SEC24D: variants seen among roughly 807,000 people sequenced by gnomAD.
SEC24D encodes the protein protein transport protein Sec24D.
Under a neutral mutation model 116.9 loss-of-function variants are expected in SEC24D, and 69 were observed. The observed-to-expected ratio is 0.59, with a 90% CI of 0.49 to 0.72. The LOEUF is 0.72. Ranked by LOEUF, SEC24D falls within the 30% of genes least tolerant of loss-of-function variation. The pLI is 0.00. For missense variants in SEC24D, 1,131 were observed against 1,264.1 expected (o/e 0.89, Z 1.60); for synonymous variants, 405 against 442.8 (o/e 0.91, Z 1.07).
intron 22 of SEC24D, among the ~76,000 whole-genome samples, chr4:118,726,817 TA>T (rs1725439046): frequency 6.6e-6 from 1 of 152,188 alleles, no homozygotes; most frequent in African/African-American, 2.4e-5. Flanking sequence ...AATCTGACAA[TA>T]AGGTCTAAGA....
intron 19 of SEC24D, among the ~76,000 whole-genome samples, chr4:118,735,156 AG>A (rs1725892724): frequency 6.6e-6 from 1 of 152,248 alleles, no homozygotes; most frequent in Non-Finnish European, 1.5e-5. Flanking sequence ...GGGACTAAAA[AG>A]TCTAATCAGA....
At chr4:118,739,113 A>G (rs1247274379) in intron 18 of SEC24D, 36 bp downstream of exon 18, 1 of 1,609,324 alleles carries the variant, frequency 6.2e-7, no homozygotes, top group Non-Finnish European at 8.5e-7. Flanking sequence ...ATTACTAAGC[A>G]AGGTTTACTG....
At position 118,740,922 on chromosome 4, in the gene SEC24D, T is replaced by C. The variant is rs1167362118; in HGVS notation, c.2092+19A>G. ...AATTATTCAAGAGAGACCCGAAGAA[T>C]TGTATAAATGATAATTACCTGTGCT... is the stretch of plus-strand genomic sequence containing the variant. On this transcript the variant is annotated intron_variant, in intron 16 of 22. Transcript: ENST00000280551. 1.9e-6 allele frequency: 3 copies of C among 1,589,460 alleles called. No homozygotes were observed. Among genetic ancestry groups the C allele is most frequent in the Non-Finnish European group, 2.6e-6 (3 of 1,162,862 alleles).
intron 2 of SEC24D, among the ~76,000 whole-genome samples, chr4:118,827,635 C>T (rs1730641300): frequency 6.6e-6 from 1 of 152,206 alleles, no homozygotes; most frequent in Admixed American, 6.5e-5. Context: ...AGCAAAGCAG[C>T]ACACCTCTGG....
At chr4:118,803,538 G>A (rs1283406847) in intron 7 of SEC24D, among the ~76,000 whole-genome samples, 1 of 152,054 alleles carries the variant, frequency 6.6e-6, no homozygotes, top group Non-Finnish European at 1.5e-5. Context: ...AAGTTCCCAT[G>A]GCAACATGTG....
intron 11 of SEC24D, among the ~76,000 whole-genome samples, chr4:118,756,013 C>T (rs968503236): frequency 2.1e-4 from 32 of 152,096 alleles, no homozygotes; most frequent in Non-Finnish European, 2.4e-4. Context: ...CTTATATCAA[C>T]AGGCTATTAG....
chr4:118,832,312 A>T (rs116550416), intron 2 of SEC24D, among the ~76,000 whole-genome samples: 1 of 152,190 alleles, frequency 6.6e-6, no homozygotes. Flanking sequence ...TGGTAAACAG[A>T]GTCAAATACA....
chr4:118,823,643 T>G (rs1730487612), intron 3 of SEC24D, among the ~76,000 whole-genome samples: 1 of 152,174 alleles, frequency 6.6e-6, no homozygotes, highest in Middle Eastern at 3.2e-3. Flanking sequence ...TAAACAATAA[T>G]GGGATTTCTA....
intron 8 of SEC24D, among the ~76,000 whole-genome samples, chr4:118,791,583 T>C (rs888678564): frequency 6.6e-6 from 1 of 152,204 alleles, no homozygotes; most frequent in African/African-American, 2.4e-5. Flanking sequence ...GAGCCGAGAC[T>C]GGACTGTACT....
intron 6 of SEC24D, among the ~76,000 whole-genome samples, chr4:118,808,625 A>G (rs1156682909): frequency 6.6e-6 from 1 of 152,218 alleles, no homozygotes; most frequent in Non-Finnish European, 1.5e-5. Flanking sequence ...AAACAGGCTT[A>G]GAGATAAAGA....
At chr4:118,818,878 A>G (rs1280665766) in intron 3 of SEC24D, among the ~76,000 whole-genome samples, 1 of 152,238 alleles carries the variant, frequency 6.6e-6, no homozygotes, top group Non-Finnish European at 1.5e-5. Context: ...TAACCCAAAA[A>G]TACTGTTAAA....
At position 118,752,836 on chromosome 4, in the gene SEC24D, T is replaced by C. The variant is rs1240709905; in HGVS notation, c.1474A>G (p.Lys492Glu). ...AIRVGFITYN[K>E]VLHFFNVKSN... Reference sequence around the variant, plus strand: ...TTCACATTAAAGAAATGGAGAACTTTGTTATATGTGATAAAACCCACTCGA... The same window carrying C: ...TTCACATTAAAGAAATGGAGAACTTCGTTATATGTGATAAAACCCACTCGA... The change falls in exon 12 of 23, where the codon AAA becomes GAA. Residue 492 changes from lysine (K) to glutamate (E), a missense_variant. Lys to Glu is a moderately conservative substitution (Grantham distance 56). Coordinates refer to ENST00000280551, the MANE Select transcript of SEC24D (RefSeq NM_014822.4). The C allele has an allele frequency of 1.9e-6, 3 of 1,608,536 alleles. No individual in the cohort carries two copies. Among genetic ancestry groups the C allele is most frequent in the Non-Finnish European group, 2.5e-6 (3 of 1,178,234 alleles).
At chr4:118,753,756 C>T (rs1726948695) in intron 11 of SEC24D, among the ~76,000 whole-genome samples, 1 of 152,162 alleles carries the variant, frequency 6.6e-6, no homozygotes, top group Admixed American at 6.6e-5. Context: ...CACATAGATA[C>T]TATTGATGCT....
At chr4:118,782,317 G>A (rs930259796) in intron 8 of SEC24D, among the ~76,000 whole-genome samples, 11 of 152,188 alleles carry the variant, frequency 7.2e-5, no homozygotes, top group African/African-American at 2.4e-4. Context: ...CTTTCTGTTT[G>A]TTAGTCTTCC....
chr4:118,771,573 T>C (rs1466945836), intron 8 of SEC24D, among the ~76,000 whole-genome samples: 1 of 152,238 alleles, frequency 6.6e-6, no homozygotes, highest in Non-Finnish European at 1.5e-5. Flanking sequence ...CTCTTGTGTA[T>C]GTATATAAAC....
chr4:118,735,013 T>C (rs771374937), intron 19 of SEC24D, among the ~76,000 whole-genome samples: 2 of 152,220 alleles, frequency 1.3e-5, no homozygotes, highest in Non-Finnish European at 2.9e-5. Context: ...GTATAAAGCA[T>C]GTCCATTTGG....
chr4:118,737,399 A>G (rs574254749), intron 19 of SEC24D, among the ~76,000 whole-genome samples: 1 of 152,330 alleles, frequency 6.6e-6, no homozygotes, highest in African/African-American at 2.4e-5. Context: ...TCCATCTAGT[A>G]AGTGTGTTTG....
At chr4:118,828,480 T>C (rs1578482391) in intron 2 of SEC24D, among the ~76,000 whole-genome samples, 1 of 152,112 alleles carries the variant, frequency 6.6e-6, no homozygotes, top group African/African-American at 2.4e-5. Flanking sequence ...GCCCCTAAAA[T>C]AGGACATCTG....
At chr4:118,725,097 A>G (rs1725339163) in intron 22 of SEC24D, among the ~76,000 whole-genome samples, 1 of 152,190 alleles carries the variant, frequency 6.6e-6, no homozygotes, top group Non-Finnish European at 1.5e-5. Flanking sequence ...CCTGGATCCA[A>G]GTCTGTTAGG....
Sources: gnomAD v4.1 joint callset for allele counts (sites outside exome capture counted in the v4.1 genomes callset) on GRCh38, gnomAD v4.1.1 for gene constraint, MANE v1.5 for transcripts, NCBI Gene and HGNC (gene_info 2026-07-23, HGNC 2026-07-21) for gene names.